The following DNAH9 variants were observed in gnomAD, a reference collection of about 807,000 sequenced individuals.
DNAH9 encodes dynein axonemal heavy chain 9.
DNAH9 carries 345 observed loss-of-function variants against 471.6 expected under a neutral mutation model. That is an observed-to-expected ratio of 0.73 (90% confidence interval 0.67 to 0.80). The LOEUF is 0.80. Among genes scored for constraint, DNAH9 ranks in the 30% least tolerant of loss-of-function variants. The pLI is 0.00. For synonymous variants in DNAH9, 2,093 were observed against 2,123.6 expected, an observed-to-expected ratio of 0.99 and a Z score of 0.40; for missense variants, 5,407 against 5,609.2, an observed-to-expected ratio of 0.96 and a Z score of 1.15.
rs772437833 is a variant in DNAH9, at chr17:11,962,429, G to C, written c.13233+173G>C. Among the ~76,000 whole-genome samples the C allele has an allele frequency of 6.6e-6, 1 of 152,200 alleles. No homozygotes were observed. The highest frequency in any genetic ancestry group is 2.1e-4 in the South Asian group (1 of 4,826). ...TTTAGCCAGGGGTGGTGCAAAGAGCGTAAGTTTTGCAGAGGCAGTAGAGTG... is the reference window on the plus strand; with the variant it reads ...TTTAGCCAGGGGTGGTGCAAAGAGCCTAAGTTTTGCAGAGGCAGTAGAGTG... On this transcript the variant is annotated intron_variant, in intron 68 of 68. Transcript: ENST00000262442. This position sits in a 1 kb window ranked among gnomAD's most constrained non-coding sequence, Gnocchi z 4.1.
chr17:11,950,555 A>G (rs886874602), intron 67 of DNAH9, among the ~76,000 whole-genome samples: 6 of 152,034 alleles, frequency 3.9e-5, no homozygotes, highest in African/African-American at 1.4e-4. Flanking sequence ...ATTTTTGTAG[A>G]GATGGGGTCT....
intron 15 of DNAH9, among the ~76,000 whole-genome samples, chr17:11,666,469 G>A (rs758211979): frequency 1.5e-4 from 23 of 152,166 alleles, no homozygotes; most frequent in Non-Finnish European, 3.1e-4. Flanking sequence ...AGTTTCCTTC[G>A]CTTTGTGGAA....
intron 1 of DNAH9, among the ~76,000 whole-genome samples, chr17:11,603,921 T>C (rs2072441195): frequency 6.6e-6 from 1 of 152,182 alleles, no homozygotes; most frequent in African/African-American, 2.4e-5. Flanking sequence ...GATCATCCTC[T>C]CTTCCTGGAA....
In DNAH9 at chr17:11,745,155, A is replaced by G; in HGVS notation, c.6399+71A>G. 5 of 1,289,110 alleles carry G rather than the reference A, an allele frequency of 3.9e-6. No homozygotes were observed. In the South Asian group the frequency reaches 7.0e-5, roughly 18 times the overall value. 79.9% of individuals were successfully genotyped at this position (1,289,110 alleles called of 1,614,324 possible). On this transcript the variant is annotated intron_variant, in intron 31 of 68. Transcript: ENST00000262442. ...TGTCCAGGATAATGGGTTATCCTTC[A>G]TCCATAATCCAAAGGGTTGTTTTAG...
chr17:11,689,503 A>C, intron 19 of DNAH9, 63 bp from the exon 20 acceptor site: 29 of 1,396,720 alleles, frequency 2.1e-5, no homozygotes, highest in Non-Finnish European at 2.8e-5. Context: ...TTGCTACCTT[A>C]GAGATGCTAG....
intron 7 of DNAH9, among the ~76,000 whole-genome samples, chr17:11,631,501 T>G (rs1030605698): frequency 3.3e-5 from 5 of 151,920 alleles, no homozygotes; most frequent in Non-Finnish European, 7.4e-5. Context: ...AAAAAATAGC[T>G]GGGCGTGGTG....
At chr17:11,741,259 G>T (rs2075429320) in intron 29 of DNAH9, among the ~76,000 whole-genome samples, 1 of 152,124 alleles carries the variant, frequency 6.6e-6, no homozygotes, top group East Asian at 1.9e-4. Flanking sequence ...TTAAAAAAAT[G>T]TAAGTAATTT....
In DNAH9 at chr17:11,634,630, G is replaced by A. The variant is rs532941166; in HGVS notation, c.1635+1927G>A. On this transcript the variant is annotated intron_variant, in intron 8 of 68. Transcript: ENST00000262442. ...ACTTTTTACTGTCTCCAGAGATCTG[G>A]GTGATTGTTTTGTGAAAGAAAGTGT... 2.7e-3 allele frequency among the ~76,000 whole-genome samples: 410 copies of A among 152,308 alleles called. 1 individual carries two copies. Among genetic ancestry groups the A allele is most frequent in the Non-Finnish European group, 5.0e-3 (342 of 68,038 alleles).
Position 11,856,956 on chromosome 17 carries a change from G to A in DNAH9, c.9933+2528G>A, listed in dbSNP as rs1049867366. On this transcript the variant is annotated intron_variant, in intron 50 of 68. Coordinates refer to ENST00000262442, the MANE Select transcript of DNAH9 (RefSeq NM_001372.4). ...CTTGAACTCTTGGCCTCAAGTGAACGTTTTGCTTTGGCCTCCCAAAGAGCT... is the reference window on the plus strand; with the variant it reads ...CTTGAACTCTTGGCCTCAAGTGAACATTTTGCTTTGGCCTCCCAAAGAGCT... 4.6e-5 allele frequency among the ~76,000 whole-genome samples: 7 copies of A among 152,008 alleles called. No homozygotes were observed. In the South Asian group the frequency reaches 6.2e-4, roughly 14 times the overall value.
At position 11,598,769 on chromosome 17, in the gene DNAH9, C is replaced by A; in HGVS notation, c.271C>A (p.Pro91Thr). ...AATACGCCCCGGGCTGGAGGTGGGA[C>A]CTGAGTCGGGCCTGGCTGGCGCTAA... ...LAIRPGLEVG[P>T]ESGLAGAKAL... is the part of the protein sequence containing the mutation. The change falls in exon 1 of 69, where the codon CCT becomes ACT. Residue 91 changes from proline to threonine, a missense_variant. By Grantham distance (38) the Pro-to-Thr change is conservative. This residue lies in a region of DNAH9 where 767 missense variants were observed against 692.5 expected (regional missense o/e 1.11). Coordinates refer to ENST00000262442, the MANE Select transcript of DNAH9 (RefSeq NM_001372.4). 6.9e-7 allele frequency: 1 copy of A among 1,456,924 alleles called. No individual in the cohort carries two copies. Among genetic ancestry groups the A allele is most frequent in the Non-Finnish European group, 9.0e-7 (1 of 1,109,226 alleles). 90.2% of individuals were successfully genotyped at this position (1,456,924 alleles called of 1,614,324 possible). A position where few individuals can be genotyped will look rare whatever the true frequency, so the allele number is the denominator to read the frequency against.
intron 27 of DNAH9, among the ~76,000 whole-genome samples, chr17:11,727,079 C>A (rs546782452): frequency 0.01 from 1,335 of 130,062 alleles, 32 homozygotes; most frequent in African/African-American, 0.038. Flanking sequence ...AAAAAAAAAC[C>A]CGCTGAATAA....
chr17:11,955,408 T>C (rs114895582), intron 67 of DNAH9, among the ~76,000 whole-genome samples: 1,627 of 152,300 alleles, frequency 0.011, 32 homozygotes, highest in African/African-American at 0.037. Flanking sequence ...ACAATTATAG[T>C]AGTTACTGTA....
At chr17:11,889,354 T>C (rs1972979574) in intron 57 of DNAH9, among the ~76,000 whole-genome samples, 2 of 152,234 alleles carry the variant, frequency 1.3e-5, no homozygotes, top group Non-Finnish European at 2.9e-5. Flanking sequence ...AGTACTTTAA[T>C]TGGTTGCCAA....
chr17:11,860,294 C>A (rs1308370240), intron 50 of DNAH9, among the ~76,000 whole-genome samples: 1 of 152,148 alleles, frequency 6.6e-6, no homozygotes, highest in Non-Finnish European at 1.5e-5. Context: ...TATTTCTAAA[C>A]TTTCCATTTA....
chr17:11,774,641 G>A (rs1008045278), intron 38 of DNAH9, among the ~76,000 whole-genome samples: 7 of 152,166 alleles, frequency 4.6e-5, no homozygotes, highest in African/African-American at 7.2e-5. Context: ...GGTAGGACAC[G>A]TAGGGATTAT....
At chr17:11,847,454 T>C (rs1423751484) in intron 49 of DNAH9, among the ~76,000 whole-genome samples, 3 of 152,198 alleles carry the variant, frequency 2.0e-5, no homozygotes, top group Non-Finnish European at 4.4e-5. Context: ...CGGCACCATT[T>C]ATTGAATAGG....
At position 11,705,126 on chromosome 17, in the gene DNAH9, G is replaced by C; in HGVS notation, c.5493G>C (p.Leu1831Phe). ...CFANICDAQF[L>F]YSYEYLGNTP... Reference sequence around the variant, plus strand: ...CCAACATCTGTGATGCCCAGTTTTTGTATTCCTATGAGTACCTGGGAAACA... The same window carrying C: ...CCAACATCTGTGATGCCCAGTTTTTCTATTCCTATGAGTACCTGGGAAACA... The change falls in exon 26 of 69, where the codon TTG (leucine) becomes TTC (phenylalanine). Residue 1831 changes from leucine to phenylalanine, a missense_variant. By Grantham distance (22) the Leu-to-Phe change is conservative. Coordinates refer to ENST00000262442, the MANE Select transcript of DNAH9 (RefSeq NM_001372.4). 1.2e-6 allele frequency: 2 copies of C among 1,614,170 alleles called. No homozygotes were observed. The highest frequency in any genetic ancestry group is 1.7e-6 in the Non-Finnish European group (2 of 1,179,998).
Position 11,669,414 on chromosome 17 carries a change from A to T in DNAH9, c.2973A>T (p.Thr991=), listed in dbSNP as rs1183702487. The change falls in exon 17 of 69, where the codon ACA becomes ACT. Residue 991 remains threonine, a synonymous_variant. Transcript: ENST00000262442. ...CAGATTTGGCAAACATGCGGCGCAC[A>T]CTCATGGAGAGAGTCCAGAGAATGA... is the stretch of plus-strand genomic sequence containing the variant. ...GIPDLANMRR[T]LMERVQRMMG... is the part of the protein sequence containing the mutation. 6.2e-7 allele frequency: 1 copy of T among 1,613,744 alleles called. No homozygotes were observed. The highest frequency in any genetic ancestry group is 1.7e-4 in the Middle Eastern group (1 of 6,060).
chr17:11,909,076 G>A (rs12452270), intron 61 of DNAH9, among the ~76,000 whole-genome samples: 2 of 152,038 alleles, frequency 1.3e-5, no homozygotes, highest in Non-Finnish European at 2.9e-5. Flanking sequence ...GCATATCCAC[G>A]AACTCAAACA....
Sources: gnomAD v4.1 joint callset for allele counts (sites outside exome capture counted in the v4.1 genomes callset) on GRCh38, gnomAD v4.1.1 for gene constraint, gnomAD v4.1.1 regional missense constraint, Gnocchi (gnomAD v3.1) non-coding constraint, MANE v1.5 for transcripts, NCBI Gene and HGNC (gene_info 2026-07-23, HGNC 2026-07-21) for gene names.